The following SRC variants were observed in gnomAD, a reference collection of about 807,000 sequenced individuals.
SRC encodes proto-oncogene tyrosine-protein kinase Src.
In SRC, 13 loss-of-function variants were observed where a neutral mutation model predicts 62.9. The ratio of observed to expected loss-of-function variants is 0.21; its 90% confidence interval spans 0.13 to 0.33. The LOEUF (loss-of-function observed/expected upper bound fraction) is 0.33, where lower values mean the gene tolerates loss of function less well. Ranked by LOEUF, SRC falls within the 10% of genes least tolerant of loss-of-function variation. The pLI is 1.00. For synonymous variants in SRC, 302 were observed against 317.5 expected, an observed-to-expected ratio of 0.95 and a Z score of 0.52; for missense variants, 457 against 737.3, an observed-to-expected ratio of 0.62 and a Z score of 4.40.
chr20:37,405,269 A>T lies in SRC; in HGVS notation c.*1890A>T. 1 of 163,110 alleles carries T rather than the reference A, an allele frequency of 6.1e-6. No individual in the cohort carries two copies. The highest frequency in any genetic ancestry group is 1.2e-5 in the Non-Finnish European group (1 of 80,844). 10.1% of individuals were successfully genotyped at this position (163,110 alleles called of 1,614,324 possible). On this transcript the variant is annotated 3_prime_UTR_variant, in exon 14 of 14. Transcript: ENST00000373578. Reference sequence around the variant, plus strand: ...AACAGTGTTTTGTAGATTTCAGATGACTATGCAGAGGCCTGGGGGACCCCT... The same window carrying T: ...AACAGTGTTTTGTAGATTTCAGATGTCTATGCAGAGGCCTGGGGGACCCCT...
At chr20:37,368,533 T>TG (rs1568625228) in intron 2 of SRC, among the ~76,000 whole-genome samples, 10 of 88,866 alleles carry the variant, frequency 1.1e-4, no homozygotes, top group Admixed American at 4.8e-4. Flanking sequence ...TTTTTTTTTT[T>TG]TTTTTTTTTT....
rs191043983 is a variant in SRC, at chr20:37,368,843, G to A, written c.-173+3566G>A. On this transcript the variant is annotated intron_variant, in intron 2 of 13. Coordinates refer to ENST00000373578, the MANE Select transcript of SRC (RefSeq NM_198291.3). ...TGGGATTACAGGCGTGAGCCACCGC[G>A]CCCGGCTATGCCTATATTTTCTTAT... is the stretch of plus-strand genomic sequence containing the variant. Among the ~76,000 whole-genome samples the A allele has an allele frequency of 3.9e-5, 6 of 152,174 alleles. No individual in the cohort carries two copies. The East Asian group carries it at 1.2e-3, about 29-fold the overall frequency.
intron 1 of SRC, among the ~76,000 whole-genome samples, chr20:37,355,967 G>T (rs2069877140): frequency 6.6e-6 from 1 of 152,136 alleles, no homozygotes; most frequent in African/African-American, 2.4e-5. Flanking sequence ...GAGCAGAGCA[G>T]GTTGAGGCCA....
upstream of SRC, among the ~76,000 whole-genome samples, chr20:37,345,855 C>T (rs2069708005): frequency 6.6e-6 from 1 of 152,132 alleles, no homozygotes; most frequent in African/African-American, 2.4e-5. Context: ...GCGGATGGGG[C>T]CCGCGGGGTG....
At chr20:37,360,218 C>CTTTTTTTTTTTTTTTTTTT (rs61476973) in intron 1 of SRC, among the ~76,000 whole-genome samples, 7 of 105,630 alleles carry the variant, frequency 6.6e-5, no homozygotes, top group African/African-American at 2.4e-4. Flanking sequence ...CTCTCTCTCT[C>CTTTTTTTTTTTTTTTTTTT]TTTTTTTTTT....
At chr20:37,383,321 A>G (rs1273593297) in intron 3 of SRC, among the ~76,000 whole-genome samples, 2 of 152,180 alleles carry the variant, frequency 1.3e-5, no homozygotes, top group African/African-American at 4.8e-5. Flanking sequence ...GGTATGTGTG[A>G]AGGCCCTGTG....
At chr20:37,385,841 CG>C (rs766625230) in intron 4 of SRC, among the ~76,000 whole-genome samples, 23 of 152,246 alleles carry the variant, frequency 1.5e-4, no homozygotes, top group Admixed American at 2.6e-4. Flanking sequence ...GCCCCGGGGA[CG>C]GACGCGGACA....
At chr20:37,388,612 G>A (rs1175174353) in intron 5 of SRC, among the ~76,000 whole-genome samples, 1 of 152,222 alleles carries the variant, frequency 6.6e-6, no homozygotes, top group African/African-American at 2.4e-5. Context: ...GCTAGGTGTG[G>A]TGGCGCATGC....
chr20:37,348,493 G>C (rs1483273106), intron 1 of SRC, among the ~76,000 whole-genome samples: 1 of 152,206 alleles, frequency 6.6e-6, no homozygotes, highest in Admixed American at 6.5e-5. Context: ...CTCGGGCTGA[G>C]CAGTATTGTG....
intron 1 of SRC, among the ~76,000 whole-genome samples, chr20:37,350,885 T>G (rs1176858243): frequency 6.6e-6 from 1 of 152,154 alleles, no homozygotes; most frequent in Non-Finnish European, 1.5e-5. Flanking sequence ...TAAGAGAGTA[T>G]TGTATGTGTG....
Position 37,369,649 on chromosome 20 carries a change from C to T in SRC, c.-173+4372C>T, listed in dbSNP as rs141305980. On this transcript the variant is annotated intron_variant, in intron 2 of 13. Coordinates refer to ENST00000373578, the MANE Select transcript of SRC (RefSeq NM_198291.3). ...TGTTTCATTTTCGTTCCTAATTGTC[C>T]GGGCTAGAAGCTCCAGTACAATCTT... 3.0e-3 allele frequency among the ~76,000 whole-genome samples: 454 copies of T among 152,060 alleles called. 4 individuals carry two copies. Among genetic ancestry groups the T allele is most frequent in the African/African-American group, 9.9e-3 (412 of 41,478 alleles).
intron 2 of SRC, among the ~76,000 whole-genome samples, chr20:37,381,031 A>AGAG (rs2070358814): frequency 6.6e-6 from 1 of 151,888 alleles, no homozygotes; most frequent in African/African-American, 2.4e-5. Flanking sequence ...CGATCGATAG[A>AGAG]GAGGAAAACT....
rs557266025 is a variant in SRC at position 37,346,582 on chromosome 20, G to C, written c.-247+327G>C. Among the ~76,000 whole-genome samples, 12 of 152,108 alleles carry C rather than the reference G, an allele frequency of 7.9e-5. No individual in the cohort carries two copies. The South Asian group carries it at 8.3e-4, about 11-fold the overall frequency. ...GCCAGCGAGCTGGGCCCTAGCCCCC[G>C]GGCCAGGTCTAGGCCAAATCTGAAA... On this transcript the variant is annotated intron_variant, in intron 1 of 13. Coordinates refer to ENST00000373578, the MANE Select transcript of SRC (RefSeq NM_198291.3).
In SRC at chr20:37,389,395, C is replaced by T. The variant is rs568395010; in HGVS notation, c.350+3221C>T. On this transcript the variant is annotated intron_variant, in intron 5 of 13. Coordinates refer to ENST00000373578, the MANE Select transcript of SRC (RefSeq NM_198291.3). The stretch of plus-strand genomic sequence containing the variant: ...CAGCTGGCCTCTGCCTCCTTGCCCC[C>T]GGCATGGCGGCAGGGGGCACCTCGG... Among the ~76,000 whole-genome samples, 160 of 152,302 alleles carry T rather than the reference C, an allele frequency of 1.1e-3. 1 individual carries two copies. Among genetic ancestry groups the T allele is most frequent in the African/African-American group, 3.8e-3 (156 of 41,566 alleles).
chr20:37,386,540 G>C, intron 5 of SRC: 1 of 705,138 alleles, frequency 1.4e-6, no homozygotes. Flanking sequence ...GGGGGCTGCT[G>C]TCTGCATGTG....
At chr20:37,390,461 G>A (rs867717244) in intron 5 of SRC, among the ~76,000 whole-genome samples, 49 of 144,178 alleles carry the variant, frequency 3.4e-4, no homozygotes, top group African/African-American at 1.1e-3. Context: ...GCAGTGGTGC[G>A]ATCTTGGCTT....
chr20:37,384,452 G>C lies in SRC; in HGVS notation c.250+49G>C. 1 of 1,300,300 alleles carries C rather than the reference G, an allele frequency of 7.7e-7. No individual in the cohort carries two copies. Among genetic ancestry groups the C allele is most frequent in the Middle Eastern group, 2.9e-4 (1 of 3,402 alleles). 80.5% of individuals were successfully genotyped at this position (1,300,300 alleles called of 1,614,324 possible). On this transcript the variant is annotated intron_variant, in intron 4 of 13. Transcript: ENST00000373578. This position sits in a 1 kb window ranked among gnomAD's most constrained non-coding sequence, Gnocchi z 6.7. ...TCCTCGCCCACCTGGGGCCACGGCG[G>C]GGAGGCGGCGGGGCTGTGTGCCCGG...
intron 2 of SRC, 76 bp from the exon 3 acceptor site, chr20:37,382,543 G>A (rs1038947520): frequency 1.3e-5 from 2 of 152,092 alleles, no homozygotes; most frequent in Admixed American, 1.3e-4. Context: ...TCAGAGAGTG[G>A]GCGCCATTAT....
chr20:37,348,690 G>A (rs549325086), intron 1 of SRC, among the ~76,000 whole-genome samples: 1 of 152,300 alleles, frequency 6.6e-6, no homozygotes, highest in Non-Finnish European at 1.5e-5. Context: ...GGGGAGCTGG[G>A]AACAGGTCCT....
Sources: allele counts gnomAD v4.1 joint callset (sites outside exome capture counted in the v4.1 genomes callset), GRCh38; gene constraint gnomAD v4.1.1; non-coding constraint Gnocchi (gnomAD v3.1); transcripts MANE v1.5; gene names NCBI Gene and HGNC (gene_info 2026-07-23, HGNC 2026-07-21).